The following FNDC1 variants were observed in gnomAD, a reference collection of about 807,000 sequenced individuals.
FNDC1 encodes fibronectin type III domain containing 1, also known as fibronectin type III domain-containing protein 1.
FNDC1 carries 96 observed loss-of-function variants against 168.0 expected under a neutral mutation model. The observed-to-expected ratio is 0.57, with a 90% CI of 0.48 to 0.68. FNDC1 has a LOEUF of 0.68. FNDC1 is among the 30% of genes least tolerant of loss of function. FNDC1 has a pLI of 0.00. For synonymous variants in FNDC1, 1,099 were observed against 1,025.9 expected, an observed-to-expected ratio of 1.07 and a Z score of -1.36; for missense variants, 2,587 against 2,482.1, an observed-to-expected ratio of 1.04 and a Z score of -0.90.
chr6:159,223,225 T>C (rs914726337), intron 6 of FNDC1, among the ~76,000 whole-genome samples: 3 of 152,254 alleles, frequency 2.0e-5, no homozygotes, highest in South Asian at 2.1e-4. Flanking sequence ...CTTGATCTCC[T>C]GACCTCGTGA....
At position 159,221,711 on chromosome 6, in the gene FNDC1, A is replaced by C; in HGVS notation, c.766+15A>C. 6.3e-7 allele frequency: 1 copy of C among 1,598,340 alleles called. No homozygotes were observed. Among genetic ancestry groups the C allele is most frequent in the Non-Finnish European group, 8.6e-7 (1 of 1,165,638 alleles). On this transcript the variant is annotated intron_variant, in intron 6 of 22. Transcript: ENST00000297267. ...AAAGATTTCAGGTATGTTTCTAAGGATGCATTTGGTCAAACCATAGTCTGG... is the reference window on the plus strand; with the variant it reads ...AAAGATTTCAGGTATGTTTCTAAGGCTGCATTTGGTCAAACCATAGTCTGG...
intron 1 of FNDC1, among the ~76,000 whole-genome samples, chr6:159,176,969 C>A (rs1311564291): frequency 1.3e-5 from 2 of 152,120 alleles, no homozygotes; most frequent in East Asian, 3.8e-4. Context: ...TGAAATGGCT[C>A]GTATGTTCCA....
At chr6:159,183,361 A>T (rs1362425793) in intron 1 of FNDC1, among the ~76,000 whole-genome samples, 1 of 152,142 alleles carries the variant, frequency 6.6e-6, no homozygotes. Context: ...TGCTTCCATG[A>T]TGCAACTTTT....
At chr6:159,176,531 C>T (rs184732490) in intron 1 of FNDC1, among the ~76,000 whole-genome samples, 102 of 145,700 alleles carry the variant, frequency 7.0e-4, no homozygotes, top group Middle Eastern at 3.5e-3. Flanking sequence ...TGAGGAAGGA[C>T]ATCTCTGGTC....
chr6:159,206,077 T>A (rs545228442), intron 4 of FNDC1, among the ~76,000 whole-genome samples: 1 of 152,348 alleles, frequency 6.6e-6, no homozygotes, highest in East Asian at 1.9e-4. Context: ...TTATTTAAAC[T>A]GACATGTGTC....
intron 15 of FNDC1, among the ~76,000 whole-genome samples, chr6:159,248,688 G>T (rs1777190391): frequency 6.6e-6 from 1 of 152,182 alleles, no homozygotes; most frequent in South Asian, 2.1e-4. Flanking sequence ...TGCAGGTAGA[G>T]CATGGCTTTG....
At chr6:159,250,996 C>T (rs548639550) in intron 16 of FNDC1, among the ~76,000 whole-genome samples, 6 of 152,300 alleles carry the variant, frequency 3.9e-5, no homozygotes, top group South Asian at 2.1e-4. Flanking sequence ...GGAATGGCAG[C>T]GAGCTGCAGG....
chr6:159,176,421 G>T (rs1317444871), intron 1 of FNDC1, among the ~76,000 whole-genome samples: 1 of 152,204 alleles, frequency 6.6e-6, no homozygotes, highest in Non-Finnish European at 1.5e-5. Context: ...CTAGGACAGA[G>T]GTAGCACAGG....
At chr6:159,239,023 A>G (rs1290873452) in intron 13 of FNDC1, among the ~76,000 whole-genome samples, 1 of 152,202 alleles carries the variant, frequency 6.6e-6, no homozygotes, top group East Asian at 1.9e-4. Context: ...CAGAAAAAAG[A>G]ATATTTTGTG....
At chr6:159,266,838 C>T (rs1191703432) in intron 21 of FNDC1, among the ~76,000 whole-genome samples, 1 of 152,042 alleles carries the variant, frequency 6.6e-6, no homozygotes, top group Non-Finnish European at 1.5e-5. Context: ...AATATTTGTT[C>T]TGTGTCCTAA....
chr6:159,239,924 T>G lies in FNDC1; in HGVS notation c.4588T>G (p.Ser1530Ala). 2 of 1,505,488 alleles carry G rather than the reference T, an allele frequency of 1.3e-6. No individual in the cohort carries two copies. The highest frequency in any genetic ancestry group is 2.5e-5 in the East Asian group (1 of 40,406). The allele number at this position is 1,505,488 out of a possible 1,614,324, so 93.3% of individuals were successfully genotyped here. Residue 1530 changes from serine to alanine, a missense_variant, in exon 14 of 23, where the codon TCC becomes GCC. Ser to Ala is a moderately conservative substitution (Grantham distance 99). Transcript: ENST00000297267. Reference protein sequence around the residue: ...HDDDGNLIMSSNGIPECYAEE... With the variant: ...HDDDGNLIMSANGIPECYAEE... Reference sequence around the variant, plus strand: ...CGATGATGGCAACCTGATAATGAGCTCCAATGGGATCCCAGAGTGCTACGC... The same window carrying G: ...CGATGATGGCAACCTGATAATGAGCGCCAATGGGATCCCAGAGTGCTACGC...
chr6:159,271,476 C>G lies in FNDC1; in HGVS notation c.*34C>G, dbSNP rs1163772242. The G allele has an allele frequency of 3.3e-6, 5 of 1,506,262 alleles. No individual in the cohort carries two copies. The highest frequency in any genetic ancestry group is 9.1e-7 in the Non-Finnish European group (1 of 1,097,016). The allele number at this position is 1,506,262 out of a possible 1,614,324, so 93.3% of individuals were successfully genotyped here. On this transcript the variant is annotated 3_prime_UTR_variant, in exon 23 of 23. Coordinates refer to ENST00000297267, the MANE Select transcript of FNDC1 (RefSeq NM_032532.3). ...CCGTCATGCTGCAAGCTTGCCCTGC[C>G]CAGCCCCACCAACTAAGTCGCACTA...
chr6:159,271,289 G>A (rs409691), intron 22 of FNDC1, 38 bp from the exon 23 acceptor site: 1,009,482 of 1,440,028 alleles, frequency 0.7, 358,167 homozygotes, highest in Middle Eastern at 0.74. Flanking sequence ...TGGTTCAGGG[G>A]CCTCTGACGC....
At chr6:159,216,920 G>A (rs961309431) in intron 5 of FNDC1, among the ~76,000 whole-genome samples, 11 of 152,142 alleles carry the variant, frequency 7.2e-5, no homozygotes, top group African/African-American at 2.4e-4. Flanking sequence ...TCCCTTACCT[G>A]GAGGGGCCTC....
At chr6:159,224,839 G>A (rs1014498156) in intron 7 of FNDC1, among the ~76,000 whole-genome samples, 3 of 152,152 alleles carry the variant, frequency 2.0e-5, no homozygotes, top group Admixed American at 6.5e-5. Context: ...TCTTTGAAAG[G>A]GAATCTAATA....
intron 4 of FNDC1, among the ~76,000 whole-genome samples, chr6:159,203,745 C>T (rs1396638995): frequency 6.6e-6 from 1 of 152,066 alleles, no homozygotes; most frequent in Non-Finnish European, 1.5e-5. Flanking sequence ...GTTGTTTTGG[C>T]TTTTTTTGTG....
chr6:159,175,859 C>T (rs1441063807), intron 1 of FNDC1, among the ~76,000 whole-genome samples: 2 of 152,186 alleles, frequency 1.3e-5, no homozygotes, highest in Admixed American at 6.5e-5. Context: ...CAGAAGGCTC[C>T]CGGAAGTGCT....
intron 15 of FNDC1, among the ~76,000 whole-genome samples, chr6:159,247,724 G>A (rs1562307554): frequency 6.6e-6 from 1 of 151,948 alleles, no homozygotes; most frequent in East Asian, 1.9e-4. Flanking sequence ...GGGTGAGAGA[G>A]CAACACCCCA....
In FNDC1 at chr6:159,239,823, G is replaced by A. The variant is rs569811963; in HGVS notation, c.4487G>A (p.Arg1496Gln). The A allele has an allele frequency of 7.1e-6, 11 of 1,546,166 alleles. No homozygotes were observed. Among genetic ancestry groups the A allele is most frequent in the South Asian group, 4.8e-5 (4 of 83,746 alleles). The change falls in exon 14 of 23, where the codon CGG (arginine) becomes CAG (glutamine). Residue 1496 changes from arginine (R) to glutamine (Q), a missense_variant. Physicochemically the swap from Arg to Gln is conservative, Grantham distance 43. Coordinates refer to ENST00000297267, the MANE Select transcript of FNDC1 (RefSeq NM_032532.3). ...ACAACCACAGTCCGAACCACTACGC[G>A]GACAACCACCACCACCACCCCCACA... ...RPTTTVRTTT[R>Q]TTTTTTPTPT...
Sources: gnomAD v4.1 joint callset for allele counts (sites outside exome capture counted in the v4.1 genomes callset) on GRCh38, gnomAD v4.1.1 for gene constraint, MANE v1.5 for transcripts, NCBI Gene and HGNC (gene_info 2026-07-23, HGNC 2026-07-21) for gene names.